The following IFIH1 variants were observed in gnomAD, a reference collection of about 807,000 sequenced individuals.
IFIH1 encodes interferon-induced helicase C domain-containing protein 1.
IFIH1 carries 125 observed loss-of-function variants against 107.4 expected under a neutral mutation model. That is an observed-to-expected ratio of 1.16 (90% CI 1.01 to 1.35). The LOEUF is 1.35. Among genes scored for constraint, IFIH1 ranks in the 40% most tolerant of loss-of-function variants. The probability of loss-of-function intolerance (pLI) is 0.00; values close to 1 mark genes in which losing one functional copy is unlikely to be tolerated. For synonymous variants in IFIH1, 458 were observed against 413.2 expected (o/e 1.11, Z -1.31); for missense variants, 1,333 against 1,213.7 (o/e 1.10, Z -1.46).
chr2:162,282,351 A>G lies in IFIH1; in HGVS notation c.1306+15T>C. 2.6e-6 allele frequency: 4 copies of G among 1,535,286 alleles called. No individual in the cohort carries two copies. The highest frequency in any genetic ancestry group is 3.5e-6 in the Non-Finnish European group (4 of 1,130,172). On this transcript the variant is annotated intron_variant, in intron 6 of 15. Transcript: ENST00000649979. ...TACTATTAATTTTTTTAAAAAAATA[A>G]ACACTTAAACTGACCTGACAATTGA...
At chr2:162,278,072 T>G in intron 9 of IFIH1, 133 bp downstream of exon 9, 1 of 722,016 alleles carries the variant, frequency 1.4e-6, no homozygotes, top group East Asian at 2.7e-5. Context: ...ATTATGCTTG[T>G]CCTACAGAGA....
chr2:162,277,805 T>TA, intron 9 of IFIH1, 112 bp from the exon 10 acceptor site: 1 of 1,295,426 alleles, frequency 7.7e-7, no homozygotes, highest in Non-Finnish European at 1.0e-6. Flanking sequence ...ACCTTGGTTT[T>TA]AAAATGGGCA....
intron 3 of IFIH1, among the ~76,000 whole-genome samples, chr2:162,293,994 T>C (rs1683043840): frequency 6.6e-6 from 1 of 151,972 alleles, no homozygotes; most frequent in Non-Finnish European, 1.5e-5. Context: ...AAACACTATT[T>C]AGGTTTGATA....
At chr2:162,296,538 G>A (rs7578932) in intron 3 of IFIH1, among the ~76,000 whole-genome samples, 5,925 of 152,214 alleles carry the variant, frequency 0.039, 368 homozygotes, top group African/African-American at 0.13. Flanking sequence ...TCCAAGTCCA[G>A]TGTTCCAGTG....
At chr2:162,301,905 C>A (rs992328230) in intron 3 of IFIH1, among the ~76,000 whole-genome samples, 1 of 151,924 alleles carries the variant, frequency 6.6e-6, no homozygotes, top group Non-Finnish European at 1.5e-5. Flanking sequence ...GAGAACTGTT[C>A]AAATTTTGTT....
chr2:162,274,029 A>G, intron 11 of IFIH1, 85 bp from the exon 12 acceptor site: 9 of 915,802 alleles, frequency 9.8e-6, no homozygotes, highest in Non-Finnish European at 1.5e-5. Flanking sequence ...ATAAATTGCA[A>G]CTGGTCAGTG....
intron 1 of IFIH1, among the ~76,000 whole-genome samples, chr2:162,316,781 C>T (rs971040801): frequency 6.6e-6 from 1 of 152,208 alleles, no homozygotes; most frequent in Non-Finnish European, 1.5e-5. Context: ...GAATAAGTCA[C>T]ATTCAAACAG....
intron 3 of IFIH1, among the ~76,000 whole-genome samples, chr2:162,294,378 T>G (rs1683049062): frequency 6.6e-6 from 1 of 151,248 alleles, no homozygotes; most frequent in South Asian, 2.1e-4. Context: ...TTTGAAAACC[T>G]TCTTTCCCTC....
At chr2:162,298,494 A>G (rs1316900181) in intron 3 of IFIH1, among the ~76,000 whole-genome samples, 1 of 152,056 alleles carries the variant, frequency 6.6e-6, no homozygotes, top group Non-Finnish European at 1.5e-5. Context: ...TGTTTATTCT[A>G]GTTCTGACCT....
At chr2:162,314,416 T>TTTCTTTCCTTTCTTTCTTTC (rs71009355) in intron 1 of IFIH1, among the ~76,000 whole-genome samples, 19 of 51,468 alleles carry the variant, frequency 3.7e-4, no homozygotes, top group East Asian at 7.9e-4. Context: ...TCTTTCTTTC[T>TTTCTTTCCTTTCTTTCTTTC]TTTCTTTCTT....
At chr2:162,295,400 C>A (rs1683069285) in intron 3 of IFIH1, among the ~76,000 whole-genome samples, 1 of 151,914 alleles carries the variant, frequency 6.6e-6, no homozygotes, top group Non-Finnish European at 1.5e-5. Flanking sequence ...TTATTGCTGA[C>A]TAGTATTCCA....
At chr2:162,315,369 A>G (rs1040808909) in intron 1 of IFIH1, among the ~76,000 whole-genome samples, 6 of 152,186 alleles carry the variant, frequency 3.9e-5, no homozygotes, top group Non-Finnish European at 7.3e-5. Flanking sequence ...CTGGGATGAA[A>G]GAGGTAATTT....
At chr2:162,269,440 T>C (rs1427110230) in intron 13 of IFIH1, among the ~76,000 whole-genome samples, 1 of 152,178 alleles carries the variant, frequency 6.6e-6, no homozygotes, top group East Asian at 1.9e-4. Context: ...ACTGCCTAGA[T>C]TCCTTCTGTG....
In IFIH1 at chr2:162,310,848, G is replaced by A; in HGVS notation, c.539C>T (p.Ala180Val). ...TGTTTGACGAAGAACATTCAGAAAT[G>A]CAGAGAACCAGTTTTCTTTCTGCAC... The part of the protein sequence containing the change: ...RIVQKENWFS[A>V]FLNVLRQTGN... Residue 180 changes from alanine (A) to valine (V), a missense_variant, in exon 2 of 16, where the codon GCA becomes GTA. By Grantham distance (64) the Ala-to-Val change is moderately conservative. Transcript: ENST00000649979. The A allele has an allele frequency of 6.2e-7, 1 of 1,613,132 alleles. No individual in the cohort carries two copies. Among genetic ancestry groups the A allele is most frequent in the Non-Finnish European group, 8.5e-7 (1 of 1,179,206 alleles).
At chr2:162,298,663 C>T (rs1683138515) in intron 3 of IFIH1, among the ~76,000 whole-genome samples, 1 of 152,148 alleles carries the variant, frequency 6.6e-6, no homozygotes, top group Admixed American at 6.5e-5. Flanking sequence ...AGTGGGCTTA[C>T]ACTCATACTG....
rs1558877395 is a variant in IFIH1 at position 162,314,403 on chromosome 2, CTTTCTTTCTT to C, written c.453+3442_453+3451del. Reference sequence around the variant, plus strand: ...CCCTCCCTCCCTCCCTCCCTCCTTTCTTTCTTTCTTTCTTTTCTTTCTTTCTTTCTTTCTT... The same window carrying C: ...CCCTCCCTCCCTCCCTCCCTCCTTTCTCTTTTCTTTCTTTCTTTCTTTCTT... On this transcript the variant is annotated intron_variant, in intron 1 of 15. Coordinates refer to ENST00000649979, the MANE Select transcript of IFIH1 (RefSeq NM_022168.4). 2.6e-3 allele frequency among the ~76,000 whole-genome samples: 170 copies of C among 64,820 alleles called. 19 individuals carry two copies. Among genetic ancestry groups the C allele is most frequent in the African/African-American group, 0.014 (166 of 11,622 alleles). 42.5% of individuals were successfully genotyped at this position (64,820 alleles called of 152,430 possible). A position where few individuals can be genotyped will look rare whatever the true frequency, so the allele number is the denominator to read the frequency against.
intron 4 of IFIH1, among the ~76,000 whole-genome samples, chr2:162,293,317 A>G (rs964748330): frequency 1.3e-5 from 2 of 151,986 alleles, no homozygotes; most frequent in Non-Finnish European, 2.9e-5. Context: ...ACATGACTCT[A>G]TGGAATGTGG....
At chr2:162,278,183 G>A (rs755155284) in intron 9 of IFIH1, 22 bp downstream of exon 9, 3 of 1,590,880 alleles carry the variant, frequency 1.9e-6, no homozygotes, top group Admixed American at 1.8e-5. Flanking sequence ...TAAACTAAGT[G>A]TTAGGTCCAA....
rs1165389983 is a variant in IFIH1 at position 162,267,273 on chromosome 2, T to A, written c.3005A>T (p.Lys1002Met). The A allele has an allele frequency of 1.2e-6, 2 of 1,612,066 alleles. No homozygotes were observed. The highest frequency in any genetic ancestry group is 8.5e-7 in the Non-Finnish European group (1 of 1,179,428). Residue 1002 changes from lysine (K) to methionine (M), a missense_variant, in exon 16 of 16, where the codon AAG (lysine) becomes ATG (methionine). Coordinates refer to ENST00000649979, the MANE Select transcript of IFIH1 (RefSeq NM_022168.4). ...KNNSTKKQYK[K>M]WVELPITFPN... is the part of the protein sequence containing the mutation. Reference sequence around the variant, plus strand: ...AAATGTGATAGGTAATTCTACCCACTTTTTGTATTGTTTCTTTGTTGAATT... The same window carrying A: ...AAATGTGATAGGTAATTCTACCCACATTTTGTATTGTTTCTTTGTTGAATT...
Sources: allele counts gnomAD v4.1 joint callset (sites outside exome capture counted in the v4.1 genomes callset), GRCh38; gene constraint gnomAD v4.1.1; transcripts MANE v1.5; gene names NCBI Gene and HGNC (gene_info 2026-07-23, HGNC 2026-07-21).